Variants in TBP observed in about 807,000 individuals in gnomAD.
TBP encodes the protein TATA-box binding protein, also known as TATA-box-binding protein.
Under a neutral mutation model 46.2 loss-of-function variants are expected in TBP, and 12 were observed. That is an observed-to-expected ratio of 0.26 (90% CI 0.17 to 0.42). TBP has a LOEUF of 0.42. TBP is among the 10% of genes least tolerant of loss of function. TBP has a pLI of 1.00. For missense variants in TBP, 229 were observed against 403.1 expected, an observed-to-expected ratio of 0.57 and a Z score of 3.70; for synonymous variants, 157 against 148.3, an observed-to-expected ratio of 1.06 and a Z score of -0.42.
At chr6:170,558,590 A>G (rs930295557) in intron 2 of TBP, among the ~76,000 whole-genome samples, 4 of 151,650 alleles carry the variant, frequency 2.6e-5, no homozygotes, top group African/African-American at 9.7e-5. Context: ...AAAAGTGTGT[A>G]CTCACTTCAT....
rs76100602 is a variant in TBP, at chr6:170,558,707, T to A, written c.54+1624T>A. Among the ~76,000 whole-genome samples, 270 of 150,454 alleles carry A rather than the reference T, an allele frequency of 1.8e-3. 2 individuals are homozygous for A. The highest frequency in any genetic ancestry group is 0.014 in the East Asian group (73 of 5,140). ...TTTCTTTTTTTTTGTATTTTTTTTT[T>A]AATTTTTTTTTTCAGTCACTCTGTT... On this transcript the variant is annotated intron_variant, in intron 2 of 7. Coordinates refer to ENST00000392092, the MANE Select transcript of TBP (RefSeq NM_003194.5).
In TBP at chr6:170,572,385, G is replaced by T. The variant is rs534356030; in HGVS notation, c.*120G>T. The T allele has an allele frequency of 2.4e-6, 2 of 820,254 alleles. No individual in the cohort carries two copies. The highest frequency in any genetic ancestry group is 3.5e-5 in the African/African-American group (2 of 57,656). The allele number at this position is 820,254 out of a possible 1,614,324, so 50.8% of individuals were successfully genotyped here. A position where few individuals can be genotyped will look rare whatever the true frequency, so the allele number is the denominator to read the frequency against. ...GAAGATGGATGTTGAGTTGCAGGGT[G>T]TGGCACCAGGTGATGCCCTTCTGTA... On this transcript the variant is annotated 3_prime_UTR_variant, in exon 8 of 8. Coordinates refer to ENST00000392092, the MANE Select transcript of TBP (RefSeq NM_003194.5).
At chr6:170,563,808 A>G (rs1266816945) in intron 3 of TBP, among the ~76,000 whole-genome samples, 2 of 152,238 alleles carry the variant, frequency 1.3e-5, no homozygotes, top group Non-Finnish European at 2.9e-5. Context: ...TTTCAACTAT[A>G]TATACTTTCA....
Position 170,562,224 on chromosome 6 carries a change from C to G in TBP, c.488C>G (p.Pro163Arg). 1 of 1,613,700 alleles carries G rather than the reference C, an allele frequency of 6.2e-7. No homozygotes were observed. The highest frequency in any genetic ancestry group is 8.5e-7 in the Non-Finnish European group (1 of 1,179,712). Residue 163 changes from proline to arginine, a missense_variant, in exon 3 of 8, where the codon CCG becomes CGG. Transcript: ENST00000392092. Reference sequence around the variant, plus strand: ...GCTTCGGAGAGTTCTGGGATTGTACCGCAGCTGCAGTGAGTACTTCGTGTT... The same window carrying G: ...GCTTCGGAGAGTTCTGGGATTGTACGGCAGCTGCAGTGAGTACTTCGTGTT... ...TPASESSGIV[P>R]QLQNIVSTVN...
intron 4 of TBP, among the ~76,000 whole-genome samples, chr6:170,565,211 T>A (rs888522932): frequency 1.3e-5 from 2 of 152,234 alleles, no homozygotes; most frequent in Admixed American, 6.5e-5. Context: ...TTGACACCAA[T>A]AAAATGAAGA....
At chr6:170,568,897 C>T (rs1462492873) in intron 5 of TBP, among the ~76,000 whole-genome samples, 1 of 138,260 alleles carries the variant, frequency 7.2e-6, no homozygotes, top group Non-Finnish European at 1.5e-5. Flanking sequence ...ACTGCAACCT[C>T]CACCTCCCAG....
At chr6:170,567,214 C>G (rs1779271796) in intron 5 of TBP, 1 of 199,878 alleles carries the variant, frequency 5.0e-6, no homozygotes, top group Admixed American at 6.1e-5. Flanking sequence ...ATTTCATTTT[C>G]TTAAAAATTA....
chr6:170,568,238 G>A (rs565844130), intron 5 of TBP, among the ~76,000 whole-genome samples: 4 of 152,076 alleles, frequency 2.6e-5, no homozygotes, highest in Admixed American at 2.0e-4. Flanking sequence ...GTTTATCAAG[G>A]CAAGCTTTTC....
Position 170,562,486 on chromosome 6 carries a change from TCTGA to T in TBP, c.497+256_497+259del, listed in dbSNP as rs1562360027. ...ACATACCTGAGCCAATAAAATTTAA[TCTGA>T]CTTTCACTGTCGTTATTATTATATT... On this transcript the variant is annotated intron_variant, in intron 3 of 7. Coordinates refer to ENST00000392092, the MANE Select transcript of TBP (RefSeq NM_003194.5). 3.9e-5 allele frequency among the ~76,000 whole-genome samples: 6 copies of T among 152,354 alleles called. No homozygotes were observed. In the East Asian group the frequency reaches 5.8e-4, roughly 15 times the overall value.
At chr6:170,555,639 C>T (rs1022819837) in intron 1 of TBP, among the ~76,000 whole-genome samples, 1 of 152,162 alleles carries the variant, frequency 6.6e-6, no homozygotes, top group Non-Finnish European at 1.5e-5. Flanking sequence ...ACACTGCGCT[C>T]TCTTCACAGT....
At chr6:170,571,087 G>A (rs1284175432) in intron 6 of TBP, among the ~76,000 whole-genome samples, 1 of 152,100 alleles carries the variant, frequency 6.6e-6, no homozygotes, top group Non-Finnish European at 1.5e-5. Context: ...ATCTGCATTA[G>A]ATATCATTAT....
At chr6:170,565,326 T>C (rs1779225316) in intron 4 of TBP, among the ~76,000 whole-genome samples, 1 of 152,226 alleles carries the variant, frequency 6.6e-6, no homozygotes, top group African/African-American at 2.4e-5. Flanking sequence ...TATATATGTA[T>C]TGTATTGGGA....
intron 1 of TBP, among the ~76,000 whole-genome samples, chr6:170,555,059 T>A (rs1778990311): frequency 6.6e-6 from 1 of 152,204 alleles, no homozygotes; most frequent in African/African-American, 2.4e-5. Flanking sequence ...CAGAATTAAT[T>A]TGATTGCCTC....
At position 170,568,815 on chromosome 6, in the gene TBP, C is replaced by CTTTTTTTTTTTTTTTTTTTTTTTTTTTTT. The variant is rs377394208; in HGVS notation, c.678-770_678-769insTTTTTTTTTTTTTTTTTTTTTTTTTTTTT. On this transcript the variant is annotated intron_variant, in intron 5 of 7. Coordinates refer to ENST00000392092, the MANE Select transcript of TBP (RefSeq NM_003194.5). ...TTCTCTTCTTTCTTTCTTTCCTTTT[C>CTTTTTTTTTTTTTTTTTTTTTTTTTTTTT]TTTTTTTTTTTTTTTTTTTTTTTTT... Among the ~76,000 whole-genome samples, 61 of 62,612 alleles carry CTTTTTTTTTTTTTTTTTTTTTTTTTTTTT rather than the reference C, an allele frequency of 9.7e-4. 19 individuals carry two copies. The highest frequency in any genetic ancestry group is 2.2e-3 in the African/African-American group (32 of 14,808). 41.1% of individuals were successfully genotyped at this position (62,612 alleles called of 152,430 possible). A position where few individuals can be genotyped will look rare whatever the true frequency, so the allele number is the denominator to read the frequency against.
intron 4 of TBP, among the ~76,000 whole-genome samples, chr6:170,564,986 G>T (rs1249244514): frequency 6.6e-6 from 1 of 152,060 alleles, no homozygotes; most frequent in East Asian, 1.9e-4. Flanking sequence ...GTGAAACCCC[G>T]TCTCTACTAA....
intron 7 of TBP, 72 bp from the exon 8 acceptor site, chr6:170,572,114 G>A: frequency 8.1e-7 from 1 of 1,235,994 alleles, no homozygotes; most frequent in Non-Finnish European, 1.2e-6. Context: ...TTTAAGGTAA[G>A]AATTTTACCA....
chr6:170,554,976 T>G (rs1316189281), intron 1 of TBP, among the ~76,000 whole-genome samples: 1 of 152,212 alleles, frequency 6.6e-6, no homozygotes, highest in Non-Finnish European at 1.5e-5. Context: ...ATCATGGTTT[T>G]CCAAATCTCT....
Position 170,557,072 on chromosome 6 carries a change from G to C in TBP, c.43G>C (p.Ala15Pro). The C allele has an allele frequency of 1.9e-6, 3 of 1,614,142 alleles. No homozygotes were observed. The highest frequency in any genetic ancestry group is 2.5e-6 in the Non-Finnish European group (3 of 1,180,010). The change falls in exon 2 of 8, where the codon GCC becomes CCC. Residue 15 changes from alanine (A) to proline (P), a missense_variant. Around this residue, in one of 4 missense-constraint regions of TBP, gnomAD observed 49 missense variants for 94.7 expected, o/e 0.52. Coordinates refer to ENST00000392092, the MANE Select transcript of TBP (RefSeq NM_003194.5). ...CCTGCCACCTTACGCTCAGGGCTTG[G>C]CCTCCCCTCAGGTAATATAGCAGGA... ...NSLPPYAQGL[A>P]SPQGAMTPGI...
Position 170,562,128 on chromosome 6 carries a change from C to T in TBP, c.392C>T (p.Pro131Leu). 1 of 1,614,186 alleles carries T rather than the reference C, an allele frequency of 6.2e-7. No homozygotes were observed. The highest frequency in any genetic ancestry group is 8.5e-7 in the Non-Finnish European group (1 of 1,180,028). The change falls in exon 3 of 8, where the codon CCC becomes CTC. Residue 131 changes from proline to leucine, a missense_variant. Physicochemically the swap from Pro to Leu is moderately conservative, Grantham distance 98. Coordinates refer to ENST00000392092, the MANE Select transcript of TBP (RefSeq NM_003194.5). ...LFHSQTLTTA[P>L]LPGTTPLYPS... ...CACTCACAGACTCTCACAACTGCACCCTTGCCGGGCACCACTCCACTGTAT... is the reference window on the plus strand; with the variant it reads ...CACTCACAGACTCTCACAACTGCACTCTTGCCGGGCACCACTCCACTGTAT...
Sources: allele counts gnomAD v4.1 joint callset (sites outside exome capture counted in the v4.1 genomes callset), GRCh38; gene constraint gnomAD v4.1.1; regional missense constraint gnomAD v4.1.1; transcripts MANE v1.5; gene names NCBI Gene and HGNC (gene_info 2026-07-23, HGNC 2026-07-21).